The following LRRC4C variants were observed in gnomAD, a reference collection of about 807,000 sequenced individuals.
LRRC4C encodes leucine rich repeat containing 4C.
LRRC4C carries 5 observed loss-of-function variants against 33.6 expected under a neutral mutation model. The ratio of observed to expected loss-of-function variants is 0.15; its 90% CI spans 0.08 to 0.31. LRRC4C has a LOEUF of 0.31. Ranked by LOEUF, LRRC4C falls within the 10% of genes least tolerant of loss-of-function variation. The pLI is 1.00. For synonymous variants in LRRC4C, 329 were observed against 302.0 expected (o/e 1.09, Z -0.93); for missense variants, 560 against 796.7 (o/e 0.70, Z 3.58).
chr11:40,912,439 C>T (rs190705785), intron 2 of LRRC4C, among the ~76,000 whole-genome samples: 1,981 of 152,196 alleles, frequency 0.013, 52 homozygotes, highest in African/African-American at 0.043. Flanking sequence ...TCATATCCAG[C>T]CAAACTAAGC....
intron 1 of LRRC4C, among the ~76,000 whole-genome samples, chr11:41,403,526 G>C (rs1954103986): frequency 6.6e-6 from 1 of 152,048 alleles, no homozygotes; most frequent in Admixed American, 6.6e-5. Context: ...GGCAGCAAGA[G>C]TGCCACAAGG....
intron 3 of LRRC4C, among the ~76,000 whole-genome samples, chr11:40,553,615 A>G (rs534892275): frequency 6.6e-6 from 1 of 152,288 alleles, no homozygotes; most frequent in Non-Finnish European, 1.5e-5. Context: ...AATGATAGCC[A>G]TTCTGACTAG....
intron 2 of LRRC4C, among the ~76,000 whole-genome samples, chr11:40,818,907 A>G (rs917853633): frequency 2.6e-5 from 4 of 152,124 alleles, no homozygotes; most frequent in African/African-American, 9.7e-5. Context: ...ACACAAATAA[A>G]CCATTTCACT....
At chr11:40,339,331 TA>T (rs1396971148) in intron 3 of LRRC4C, among the ~76,000 whole-genome samples, 2 of 152,082 alleles carry the variant, frequency 1.3e-5, no homozygotes, top group African/African-American at 2.4e-5. Context: ...GGTTATAGAA[TA>T]AAAAAACACC....
intron 1 of LRRC4C, among the ~76,000 whole-genome samples, chr11:41,332,636 A>C (rs113763618): frequency 0.029 from 4,456 of 152,308 alleles, 187 homozygotes; most frequent in African/African-American, 0.099. Flanking sequence ...AAGTCTATTA[A>C]TAATTATATT....
intron 2 of LRRC4C, among the ~76,000 whole-genome samples, chr11:40,837,708 G>A (rs974950600): frequency 7.3e-5 from 11 of 150,938 alleles, no homozygotes; most frequent in Admixed American, 6.0e-4. Context: ...TTAATTAGCC[G>A]GTATGGTGGT....
intron 2 of LRRC4C, among the ~76,000 whole-genome samples, chr11:40,677,783 C>T (rs539185222): frequency 1.1e-4 from 16 of 152,246 alleles, no homozygotes; most frequent in African/African-American, 2.6e-4. Flanking sequence ...GCCAGTGACA[C>T]GTGAGCAGAG....
chr11:41,173,739 C>T (rs570309057), intron 1 of LRRC4C, among the ~76,000 whole-genome samples: 1 of 152,250 alleles, frequency 6.6e-6, no homozygotes, highest in South Asian at 2.1e-4. Context: ...GCCACCCCAT[C>T]TGCCTGGAGA....
chr11:40,702,211 G>C (rs183576188), intron 2 of LRRC4C, among the ~76,000 whole-genome samples: 2 of 151,978 alleles, frequency 1.3e-5, no homozygotes, highest in Non-Finnish European at 2.9e-5. Context: ...TATCAAGCAA[G>C]AGTATCAAAG....
rs531986244 is a variant in LRRC4C, at chr11:40,369,237, C to A, written c.-269-49516G>T. ...TAGGGGTTGGAATCAGCTCTGTCTC[C>A]TGCTGTGAAATTGCTGGCATTTCTC... On this transcript the variant is annotated intron_variant, in intron 3 of 6. Coordinates refer to ENST00000528697, the MANE Select transcript of LRRC4C (RefSeq NM_001258419.2). Among the ~76,000 whole-genome samples, 4 of 152,304 alleles carry A rather than the reference C, an allele frequency of 2.6e-5. No individual in the cohort carries two copies. In the East Asian group the frequency reaches 5.8e-4, roughly 22 times the overall value.
chr11:40,498,417 G>A (rs918907561), intron 3 of LRRC4C, among the ~76,000 whole-genome samples: 10 of 152,266 alleles, frequency 6.6e-5, no homozygotes, highest in South Asian at 2.1e-4. Flanking sequence ...GTTGAACTTC[G>A]TGTAATATTC....
intron 3 of LRRC4C, among the ~76,000 whole-genome samples, chr11:40,471,609 C>T (rs1333230146): frequency 6.6e-6 from 1 of 150,944 alleles, no homozygotes; most frequent in Non-Finnish European, 1.5e-5. Flanking sequence ...TCAGGAGACC[C>T]ATCTCACATG....
intron 3 of LRRC4C, among the ~76,000 whole-genome samples, chr11:40,534,133 A>C (rs1195003986): frequency 1.3e-5 from 2 of 152,108 alleles, no homozygotes; most frequent in South Asian, 4.1e-4. Context: ...TATTTATTAC[A>C]TGAGGATTAT....
At chr11:40,746,892 T>A (rs1026381404) in intron 2 of LRRC4C, among the ~76,000 whole-genome samples, 6 of 152,184 alleles carry the variant, frequency 3.9e-5, no homozygotes, top group Non-Finnish European at 8.8e-5. Context: ...AATGTTAATG[T>A]GTACTGCTCA....
intron 1 of LRRC4C, among the ~76,000 whole-genome samples, chr11:41,140,844 A>G (rs987041231): frequency 2.6e-5 from 4 of 152,202 alleles, no homozygotes; most frequent in African/African-American, 9.6e-5. Context: ...TTACATAAGT[A>G]AAAATTTGTT....
At chr11:40,567,851 C>A (rs575282689) in intron 3 of LRRC4C, among the ~76,000 whole-genome samples, 1 of 152,132 alleles carries the variant, frequency 6.6e-6, no homozygotes. Flanking sequence ...TTTCTCTGTG[C>A]CTTTATTCAT....
At chr11:40,688,388 G>GT (rs1163410385) in intron 2 of LRRC4C, among the ~76,000 whole-genome samples, 1 of 152,100 alleles carries the variant, frequency 6.6e-6, no homozygotes, top group African/African-American at 2.4e-5. Context: ...AAAAAGACTT[G>GT]TTTTTCCCAT....
At chr11:40,259,548 G>A (rs374037792) in intron 4 of LRRC4C, among the ~76,000 whole-genome samples, 7 of 150,852 alleles carry the variant, frequency 4.6e-5, no homozygotes, top group Non-Finnish European at 7.4e-5. Flanking sequence ...GTTTTAGGTC[G>A]AACGTTTAAG....
At chr11:41,350,599 A>G (rs1412776409) in intron 1 of LRRC4C, among the ~76,000 whole-genome samples, 1 of 152,140 alleles carries the variant, frequency 6.6e-6, no homozygotes, top group Non-Finnish European at 1.5e-5. Context: ...ATTAACCTCC[A>G]TCACATGGGC....
Sources: allele counts gnomAD v4.1 joint callset (sites outside exome capture counted in the v4.1 genomes callset), GRCh38; gene constraint gnomAD v4.1.1; transcripts MANE v1.5; gene names NCBI Gene and HGNC (gene_info 2026-07-23, HGNC 2026-07-21).